The following GPR107 variants were observed in gnomAD, a reference collection of about 807,000 sequenced individuals.
GPR107 encodes the protein G protein-coupled receptor 107, also known as protein GPR107.
A neutral mutation model predicts 75.5 loss-of-function variants in GPR107; 31 were observed. The observed-to-expected ratio is 0.41, with a 90% CI of 0.31 to 0.55. The LOEUF (loss-of-function observed/expected upper bound fraction) is 0.55. GPR107 is among the 20% of genes least tolerant of loss of function. The pLI, the probability that GPR107 is intolerant of heterozygous loss-of-function variation, is 0.26. For synonymous variants in GPR107, 267 were observed against 251.3 expected, an observed-to-expected ratio of 1.06 and a Z score of -0.59; for missense variants, 572 against 665.7, an observed-to-expected ratio of 0.86 and a Z score of 1.55.
chr9:130,071,036 T>TTTTTTC (rs1830194827), intron 1 of GPR107, among the ~76,000 whole-genome samples: 1 of 4,640 alleles, frequency 2.2e-4, no homozygotes, highest in Non-Finnish European at 1.2e-3. Flanking sequence ...TTTTTTTTTC[T>TTTTTTC]TTTTTTTTTT....
chr9:130,093,741 GA>G (rs1229052548), intron 9 of GPR107, among the ~76,000 whole-genome samples: 2 of 152,090 alleles, frequency 1.3e-5, no homozygotes, highest in Non-Finnish European at 2.9e-5. Context: ...AGTGCTTTGG[GA>G]AGCCAAGGCA....
chr9:130,117,318 G>A lies in GPR107; in HGVS notation c.1307-7597G>A, dbSNP rs188805824. ...ATCAAAGAATTTTATTCTGTGTGTA[G>A]TTGTTCTTGACCACTCGTAGCCTTT... On this transcript the variant is annotated intron_variant, in intron 14 of 17. Coordinates refer to ENST00000347136, the MANE Select transcript of GPR107 (RefSeq NM_020960.5). Among the ~76,000 whole-genome samples the A allele has an allele frequency of 5.3e-5, 8 of 152,290 alleles. No individual in the cohort carries two copies. In the South Asian group the frequency reaches 1.5e-3, roughly 28 times the overall value.
In GPR107 at chr9:130,099,453, A is replaced by T; in HGVS notation, c.864-4A>T. ...CTTTAATTGTTTTCTCTCTGTTTTT[A>T]TAGGAATGATGTATTTAAAATCCAC... On this transcript the variant is annotated splice_polypyrimidine_tract_variant and splice_region_variant and intron_variant, in intron 9 of 17. Transcript: ENST00000347136. The T allele has an allele frequency of 1.9e-5, 29 of 1,548,978 alleles. No individual in the cohort carries two copies. The highest frequency in any genetic ancestry group is 2.6e-5 in the Non-Finnish European group (29 of 1,121,286).
intron 1 of GPR107, among the ~76,000 whole-genome samples, chr9:130,057,378 T>C (rs569511074): frequency 6.6e-6 from 1 of 151,616 alleles, no homozygotes; most frequent in Admixed American, 6.6e-5. Flanking sequence ...GATGTGGTGG[T>C]GCATACCTAT....
chr9:130,103,582 G>A lies in GPR107; in HGVS notation c.1132-838G>A, dbSNP rs551881646. ...GTACAGAGCTTAATAGTGGGCCTGAGTATATGAGGCTGTAGGGCTGGAATC... is the reference window on the plus strand; with the variant it reads ...GTACAGAGCTTAATAGTGGGCCTGAATATATGAGGCTGTAGGGCTGGAATC... On this transcript the variant is annotated intron_variant, in intron 12 of 17. Transcript: ENST00000347136. This position sits in a 1 kb window ranked among gnomAD's most constrained non-coding sequence, Gnocchi z 4.3. 1.3e-5 allele frequency among the ~76,000 whole-genome samples: 2 copies of A among 152,332 alleles called. No homozygotes were observed. Among genetic ancestry groups the A allele is most frequent in the African/African-American group, 4.8e-5 (2 of 41,570 alleles).
intron 1 of GPR107, among the ~76,000 whole-genome samples, chr9:130,055,964 A>G (rs1829777763): frequency 6.6e-6 from 1 of 151,928 alleles, no homozygotes; most frequent in Non-Finnish European, 1.5e-5. Flanking sequence ...TAAATAAATA[A>G]ATAAATAAAT....
rs1832054476 is a variant in GPR107, at chr9:130,139,824, A to C, written c.*4703A>C. ...GTAAGATACTGTTACAGGGTCCAGA[A>C]ATCGTGTTCACATGGGGGCTTTGAC... On this transcript the variant is annotated 3_prime_UTR_variant, in exon 18 of 18. Transcript: ENST00000347136. 1.3e-5 allele frequency: 2 copies of C among 152,268 alleles called. No homozygotes were observed. Among genetic ancestry groups the C allele is most frequent in the Non-Finnish European group, 2.9e-5 (2 of 68,050 alleles). 9.4% of individuals were successfully genotyped at this position (152,268 alleles called of 1,614,324 possible).
intron 1 of GPR107, among the ~76,000 whole-genome samples, chr9:130,071,659 CATT>C (rs141460512): frequency 6.6e-6 from 1 of 151,918 alleles, no homozygotes; most frequent in South Asian, 2.1e-4. Context: ...TTGTTATTAT[CATT>C]ATTATTATTA....
chr9:130,055,178 G>T (rs1417413465), intron 1 of GPR107, among the ~76,000 whole-genome samples: 3 of 152,174 alleles, frequency 2.0e-5, no homozygotes, highest in Non-Finnish European at 4.4e-5. Flanking sequence ...CTAAGAAGTG[G>T]AACTGTAGGC....
At chr9:130,101,916 A>G (rs960566338) in intron 12 of GPR107, among the ~76,000 whole-genome samples, 3 of 152,180 alleles carry the variant, frequency 2.0e-5, no homozygotes, top group Non-Finnish European at 2.9e-5. Context: ...TGGGGGTGGA[A>G]GGGGACAACT....
At chr9:130,054,126 G>C in intron 1 of GPR107, 53 bp downstream of exon 1, 3 of 1,479,324 alleles carry the variant, frequency 2.0e-6, no homozygotes, top group South Asian at 1.3e-5. Context: ...CACTCCCCGG[G>C]TTTTAGGGCA....
chr9:130,094,685 T>G (rs1025539598), intron 9 of GPR107, among the ~76,000 whole-genome samples: 14 of 151,860 alleles, frequency 9.2e-5, no homozygotes, highest in African/African-American at 2.7e-4. Context: ...GTTTTTGTTT[T>G]TTTTTGTTTT....
At chr9:130,100,565 A>C in intron 10 of GPR107, 64 bp from the exon 11 acceptor site, 1 of 1,164,082 alleles carries the variant, frequency 8.6e-7, no homozygotes, top group Non-Finnish European at 1.3e-6. Context: ...GGTCCAAGTT[A>C]AAAGATTCTT....
intron 1 of GPR107, among the ~76,000 whole-genome samples, chr9:130,069,954 A>C (rs1403702668): frequency 7.2e-6 from 1 of 139,740 alleles, no homozygotes; most frequent in African/African-American, 2.7e-5. Flanking sequence ...TCGTGCTGAG[A>C]TTACAGGCAT....
At chr9:130,106,470 G>A (rs947235804) in intron 13 of GPR107, among the ~76,000 whole-genome samples, 6 of 152,012 alleles carry the variant, frequency 3.9e-5, no homozygotes, top group East Asian at 3.9e-4. Context: ...GGTAGCATGT[G>A]CCTGTAGTCC....
chr9:130,056,802 G>C (rs1481832639), intron 1 of GPR107, among the ~76,000 whole-genome samples: 1 of 151,382 alleles, frequency 6.6e-6, no homozygotes, highest in East Asian at 1.9e-4. Context: ...GCAGGTGCCG[G>C]TGGTCTCAGC....
intron 2 of GPR107, 126 bp downstream of exon 2, chr9:130,075,875 C>T (rs547074359): frequency 2.0e-5 from 11 of 542,676 alleles, no homozygotes; most frequent in East Asian, 1.3e-4. Context: ...CTCCACCTCC[C>T]GGGTTCAAGC....
chr9:130,118,029 C>G (rs1312865609), intron 14 of GPR107, among the ~76,000 whole-genome samples: 1 of 152,188 alleles, frequency 6.6e-6, no homozygotes, highest in Non-Finnish European at 1.5e-5. Flanking sequence ...ACTGCCTTTC[C>G]CTTAGCATGA....
chr9:130,072,288 G>A (rs1256609729), intron 1 of GPR107, among the ~76,000 whole-genome samples: 21 of 149,926 alleles, frequency 1.4e-4, no homozygotes, highest in Admixed American at 1.3e-3. Context: ...GCGTGATCTC[G>A]GCTCACTGCA....
Sources: gnomAD v4.1 joint callset for allele counts (sites outside exome capture counted in the v4.1 genomes callset) on GRCh38, gnomAD v4.1.1 for gene constraint, Gnocchi (gnomAD v3.1) non-coding constraint, MANE v1.5 for transcripts, NCBI Gene and HGNC (gene_info 2026-07-23, HGNC 2026-07-21) for gene names.